The following TOX3 variants were observed in gnomAD, a reference collection of about 807,000 sequenced individuals.
TOX3 encodes the protein TOX high mobility group box family member 3.
In TOX3, 22 loss-of-function variants were observed where a neutral mutation model predicts 64.3. The observed-to-expected ratio is 0.34, with a 90% CI of 0.24 to 0.49. The LOEUF (loss-of-function observed/expected upper bound fraction) is 0.49, where lower values mean the gene tolerates loss of function less well. Among genes scored for constraint, TOX3 ranks in the 20% least tolerant of loss-of-function variants. The pLI, the probability that TOX3 is intolerant of heterozygous loss-of-function variation, is 0.99. For synonymous variants in TOX3, 291 were observed against 273.6 expected, an observed-to-expected ratio of 1.06 and a Z score of -0.63; for missense variants, 661 against 714.4, an observed-to-expected ratio of 0.93 and a Z score of 0.85.
intron 1 of TOX3, among the ~76,000 whole-genome samples, chr16:52,510,207 C>T (rs1962267097): frequency 6.6e-6 from 1 of 150,422 alleles, no homozygotes; most frequent in African/African-American, 2.4e-5. Flanking sequence ...GTTTTTTTCC[C>T]CTTTCTCTTA....
At chr16:52,468,267 C>A (rs1356365741) in intron 2 of TOX3, among the ~76,000 whole-genome samples, 1 of 152,002 alleles carries the variant, frequency 6.6e-6, no homozygotes, top group African/African-American at 2.4e-5. Flanking sequence ...TTTTTGTTTG[C>A]ATTATTTTTT....
rs7203698 is a variant in TOX3 at position 52,468,608 on chromosome 16, C to T, written c.88-34G>A. 136 of 1,521,674 alleles carry T rather than the reference C, an allele frequency of 8.9e-5. No individual in the cohort carries two copies. The African/African-American group carries it at 1.5e-3, about 17-fold the overall frequency. The allele number at this position is 1,521,674 out of a possible 1,614,324, so 94.3% of individuals were successfully genotyped here. On this transcript the variant is annotated intron_variant, in intron 1 of 6. Transcript: ENST00000219746. ...AAACAGATTGTTTTACGTTAATATG[C>T]GGCATAATAAAGCATTCTGGCTGTG...
At position 52,437,653 on chromosome 16, in the gene TOX3, C is replaced by T. The variant is rs185634008; in HGVS notation, c.*1572G>A. 8.5e-4 allele frequency among the ~76,000 whole-genome samples: 130 copies of T among 152,052 alleles called. No individual in the cohort carries two copies. Among genetic ancestry groups the T allele is most frequent in the African/African-American group, 3.0e-3 (126 of 41,498 alleles). Reference sequence around the variant, plus strand: ...AGAAAAGGGGGGAATAAATGGGCACCGAAATAATTATTTTGGCTTAAGAAT... The same window carrying T: ...AGAAAAGGGGGGAATAAATGGGCACTGAAATAATTATTTTGGCTTAAGAAT... On this transcript the variant is annotated 3_prime_UTR_variant, in exon 7 of 7. Coordinates refer to ENST00000219746, the MANE Select transcript of TOX3 (RefSeq NM_001080430.4).
At chr16:52,446,963 A>G (rs1258593482) in intron 4 of TOX3, among the ~76,000 whole-genome samples, 1 of 152,158 alleles carries the variant, frequency 6.6e-6, no homozygotes, top group Non-Finnish European at 1.5e-5. Flanking sequence ...AAGACTAAAA[A>G]GAAGATGTTT....
At chr16:52,543,483 C>T (rs928933529) in intron 1 of TOX3, among the ~76,000 whole-genome samples, 1 of 152,122 alleles carries the variant, frequency 6.6e-6, no homozygotes, top group African/African-American at 2.4e-5. Flanking sequence ...ACAAATTGAA[C>T]TCAGGAAAGA....
At chr16:52,488,103 A>T (rs1298850460) in intron 1 of TOX3, among the ~76,000 whole-genome samples, 5 of 152,142 alleles carry the variant, frequency 3.3e-5, no homozygotes, top group Admixed American at 3.3e-4. Context: ...GTCTCTGCCT[A>T]TGTATCCTGG....
At position 52,541,927 on chromosome 16, in the gene TOX3, A is replaced by T. The variant is rs45457094; in HGVS notation, c.87+4710T>A. On this transcript the variant is annotated intron_variant, in intron 1 of 6. Coordinates refer to ENST00000219746, the MANE Select transcript of TOX3 (RefSeq NM_001080430.4). ...GGCCCACAACAATGTTTAAAATGTG[A>T]GAAAAAAATAAACTGGCCACACATC... Among the ~76,000 whole-genome samples the T allele has an allele frequency of 5.4e-3, 821 of 152,326 alleles. 6 individuals carry two copies. Among genetic ancestry groups the T allele is most frequent in the South Asian group, 0.016 (79 of 4,822 alleles).
At chr16:52,473,221 C>T (rs371624817) in intron 1 of TOX3, among the ~76,000 whole-genome samples, 11 of 152,168 alleles carry the variant, frequency 7.2e-5, no homozygotes, top group African/African-American at 1.7e-4. Flanking sequence ...AATCACAAGA[C>T]GAATACTTCA....
At chr16:52,468,481 G>A (rs2151759115) in intron 2 of TOX3, 28 bp downstream of exon 2, 1 of 1,600,936 alleles carries the variant, frequency 6.2e-7, no homozygotes, top group East Asian at 2.2e-5. Flanking sequence ...CAAAAAACAG[G>A]AACAAACACA....
intron 1 of TOX3, among the ~76,000 whole-genome samples, chr16:52,539,642 A>G (rs1315626472): frequency 6.6e-6 from 1 of 152,188 alleles, no homozygotes; most frequent in Non-Finnish European, 1.5e-5. Flanking sequence ...CATCTGCTTT[A>G]CTACAAACAG....
intron 3 of TOX3, among the ~76,000 whole-genome samples, chr16:52,457,704 C>T (rs1006096787): frequency 4.6e-5 from 7 of 152,218 alleles, no homozygotes; most frequent in East Asian, 1.9e-4. Flanking sequence ...AAATTAACAA[C>T]GATCAAATAG....
chr16:52,528,834 C>T (rs1962784122), intron 1 of TOX3, among the ~76,000 whole-genome samples: 1 of 152,178 alleles, frequency 6.6e-6, no homozygotes, highest in South Asian at 2.1e-4. Flanking sequence ...AAGAGGTTAA[C>T]TGCTTCTCAG....
chr16:52,544,741 A>G (rs575708887), intron 1 of TOX3, among the ~76,000 whole-genome samples: 4 of 152,334 alleles, frequency 2.6e-5, no homozygotes, highest in African/African-American at 9.6e-5. Context: ...TAGACTCAAA[A>G]TAGCCTTTCT....
chr16:52,444,449 C>A, intron 5 of TOX3, 93 bp from the exon 6 acceptor site: 1 of 1,119,468 alleles, frequency 8.9e-7, no homozygotes, highest in Non-Finnish European at 1.3e-6. Context: ...AAACACAACT[C>A]ACATAAAAAG....
chr16:52,500,329 C>G (rs1407834288), intron 1 of TOX3, among the ~76,000 whole-genome samples: 2 of 152,164 alleles, frequency 1.3e-5, no homozygotes, highest in African/African-American at 4.8e-5. Flanking sequence ...ATCATCTTAG[C>G]CTAGGCCTTA....
intron 1 of TOX3, among the ~76,000 whole-genome samples, chr16:52,497,782 GT>G (rs913445072): frequency 8.5e-4 from 128 of 151,444 alleles, no homozygotes; most frequent in Non-Finnish European, 1.4e-3. Context: ...AGCCAGTTGT[GT>G]TTTTTTTAAT....
chr16:52,474,372 C>A (rs932741959), intron 1 of TOX3, among the ~76,000 whole-genome samples: 1 of 152,148 alleles, frequency 6.6e-6, no homozygotes, highest in African/African-American at 2.4e-5. Flanking sequence ...ACCATACTTC[C>A]CAACAGACTA....
At chr16:52,520,551 A>G (rs1311652772) in intron 1 of TOX3, among the ~76,000 whole-genome samples, 4 of 152,238 alleles carry the variant, frequency 2.6e-5, no homozygotes, top group African/African-American at 9.6e-5. Flanking sequence ...CATTTAAAGC[A>G]GGTCCACACT....
intron 4 of TOX3, among the ~76,000 whole-genome samples, chr16:52,447,368 A>G (rs902425232): frequency 1.3e-5 from 2 of 152,174 alleles, no homozygotes. Context: ...AAATTTTCCT[A>G]GAGTATTATT....
Sources: allele counts gnomAD v4.1 joint callset (sites outside exome capture counted in the v4.1 genomes callset), GRCh38; gene constraint gnomAD v4.1.1; transcripts MANE v1.5; gene names NCBI Gene and HGNC (gene_info 2026-07-23, HGNC 2026-07-21).